Variants in ARNT2 observed in about 807,000 individuals in gnomAD.
ARNT2 encodes the protein aryl hydrocarbon receptor nuclear translocator 2, also known as ARNT protein 2.
Under a neutral mutation model 91.7 loss-of-function variants are expected in ARNT2, and 36 were observed. That is an observed-to-expected ratio of 0.39 (90% CI 0.30 to 0.52). The LOEUF (loss-of-function observed/expected upper bound fraction) is 0.52. Ranked by LOEUF, ARNT2 falls within the 20% of genes least tolerant of loss-of-function variation. ARNT2 has a pLI of 0.72. For missense variants in ARNT2, 775 were observed against 939.3 expected (o/e 0.83, Z 2.29); for synonymous variants, 365 against 347.1 (o/e 1.05, Z -0.57).
intron 3 of ARNT2, among the ~76,000 whole-genome samples, chr15:80,458,785 A>G (rs753467369): frequency 2.6e-5 from 4 of 152,094 alleles, no homozygotes; most frequent in Non-Finnish European, 5.9e-5. Flanking sequence ...TACCTAAGGA[A>G]GGGCCTGCCT....
intron 5 of ARNT2, among the ~76,000 whole-genome samples, chr15:80,483,909 A>G (rs1462272780): frequency 6.6e-6 from 1 of 152,230 alleles, no homozygotes; most frequent in African/African-American, 2.4e-5. Context: ...CATGTGGTTG[A>G]GTCCTTCAGT....
chr15:80,418,084 T>C (rs1895812296), intron 1 of ARNT2, among the ~76,000 whole-genome samples: 1 of 152,186 alleles, frequency 6.6e-6, no homozygotes, highest in South Asian at 2.1e-4. Context: ...ACCATCCTAG[T>C]AGTGTGGAAC....
chr15:80,455,975 C>G (rs1318306925), intron 2 of ARNT2, among the ~76,000 whole-genome samples: 1 of 152,100 alleles, frequency 6.6e-6, no homozygotes, highest in Non-Finnish European at 1.5e-5. Context: ...TCGCTCTTCC[C>G]CATGGTGAAC....
At position 80,507,759 on chromosome 15, in the gene ARNT2, G is replaced by A. The variant is rs563131380; in HGVS notation, c.623-397G>A. ...CAGATGCTTGAGAAGGGAGCAGTGC[G>A]CGGTCGCATAAAGCCCAGCAAAGCA... On this transcript the variant is annotated intron_variant, in intron 5 of 18. Coordinates refer to ENST00000303329, the MANE Select transcript of ARNT2 (RefSeq NM_014862.4). 2.5e-4 allele frequency among the ~76,000 whole-genome samples: 38 copies of A among 152,330 alleles called. 1 individual carries two copies. Among genetic ancestry groups the A allele is most frequent in the African/African-American group, 8.2e-4 (34 of 41,580 alleles).
intron 5 of ARNT2, among the ~76,000 whole-genome samples, chr15:80,501,043 T>C (rs1028045647): frequency 6.6e-6 from 1 of 152,224 alleles, no homozygotes; most frequent in African/African-American, 2.4e-5. Flanking sequence ...GTAAAGGTAT[T>C]GACAGCATAG....
At chr15:80,547,393 A>G (rs1050362460) in intron 8 of ARNT2, among the ~76,000 whole-genome samples, 1 of 152,234 alleles carries the variant, frequency 6.6e-6, no homozygotes, top group African/African-American at 2.4e-5. Flanking sequence ...CTGAAGAGGC[A>G]GTAAAAATTA....
chr15:80,578,412 G>GTTT (rs1401827628), intron 15 of ARNT2, among the ~76,000 whole-genome samples: 12 of 152,048 alleles, frequency 7.9e-5, no homozygotes, highest in Admixed American at 7.8e-4. Flanking sequence ...GGATGACCAC[G>GTTT]TTGTTCTATG....
chr15:80,553,501 T>C (rs377386059), intron 10 of ARNT2, among the ~76,000 whole-genome samples: 16 of 152,200 alleles, frequency 1.1e-4, no homozygotes, highest in African/African-American at 3.6e-4. Flanking sequence ...AGATACATGC[T>C]AAAATACTTT....
chr15:80,470,540 C>T (rs1858621241), intron 4 of ARNT2, 109 bp downstream of exon 4: 3 of 1,231,106 alleles, frequency 2.4e-6, no homozygotes, highest in Admixed American at 2.5e-5. Context: ...AGGAATGAAG[C>T]CAACATGTTT....
intron 1 of ARNT2, among the ~76,000 whole-genome samples, chr15:80,425,573 T>C (rs1360755387): frequency 6.6e-6 from 1 of 152,184 alleles, no homozygotes; most frequent in African/African-American, 2.4e-5. Flanking sequence ...TGTTTTGTTT[T>C]GTTTTTATTT....
chr15:80,513,904 A>G lies in ARNT2; in HGVS notation c.726-7A>G. On this transcript the variant is annotated splice_polypyrimidine_tract_variant and splice_region_variant and intron_variant, in intron 6 of 18. Coordinates refer to ENST00000303329, the MANE Select transcript of ARNT2 (RefSeq NM_014862.4). ...TTGCTCATTCTAATACACTTGTCAC[A>G]TCTTAGGTGTGGAAATGCTCCTTTG... The G allele has an allele frequency of 1.2e-6, 2 of 1,611,112 alleles. No individual in the cohort carries two copies. The highest frequency in any genetic ancestry group is 1.1e-5 in the South Asian group (1 of 90,992).
intron 3 of ARNT2, among the ~76,000 whole-genome samples, chr15:80,465,257 A>G (rs1389175337): frequency 6.6e-6 from 1 of 152,196 alleles, no homozygotes; most frequent in Non-Finnish European, 1.5e-5. Flanking sequence ...TTCTAGTGCA[A>G]TCTGGGGAAA....
intron 8 of ARNT2, among the ~76,000 whole-genome samples, chr15:80,520,013 T>G (rs1897511328): frequency 1.3e-5 from 2 of 151,398 alleles, no homozygotes; most frequent in Admixed American, 1.3e-4. Context: ...TTTTTTTTTT[T>G]TTAAATCTTT....
chr15:80,541,747 G>C (rs1897909600), intron 8 of ARNT2, among the ~76,000 whole-genome samples: 1 of 152,228 alleles, frequency 6.6e-6, no homozygotes. Context: ...TTGGAAGATA[G>C]AAAGACATCC....
At chr15:80,532,133 G>A (rs927538437) in intron 8 of ARNT2, among the ~76,000 whole-genome samples, 1 of 152,132 alleles carries the variant, frequency 6.6e-6, no homozygotes, top group African/African-American at 2.4e-5. Flanking sequence ...TATAGAATAG[G>A]ACCATGGTTA....
At chr15:80,508,097 C>G (rs1897298277) in intron 5 of ARNT2, 59 bp from the exon 6 acceptor site, 3 of 1,551,120 alleles carry the variant, frequency 1.9e-6, no homozygotes, top group Non-Finnish European at 1.8e-6. Context: ...CCCGAACTCC[C>G]TCCTCCATCT....
chr15:80,496,816 T>G (rs1380638592), intron 5 of ARNT2, among the ~76,000 whole-genome samples: 1 of 152,224 alleles, frequency 6.6e-6, no homozygotes, highest in African/African-American at 2.4e-5. Flanking sequence ...TCAAGGATTC[T>G]TTGGAAAACA....
rs549067692 is a variant in ARNT2 at position 80,529,974 on chromosome 15, G to A, written c.877+15569G>A. Among the ~76,000 whole-genome samples, 3 of 152,304 alleles carry A rather than the reference G, an allele frequency of 2.0e-5. No homozygotes were observed. The South Asian group carries it at 6.2e-4, about 32-fold the overall frequency. ...ATTATGTCCTCTTATGTCACACTGA[G>A]TAGTTGAATTTAGGCTTTTTCCTCT... is the stretch of plus-strand genomic sequence containing the variant. On this transcript the variant is annotated intron_variant, in intron 8 of 18. Coordinates refer to ENST00000303329, the MANE Select transcript of ARNT2 (RefSeq NM_014862.4).
At chr15:80,442,440 G>T (rs1355910513) in intron 1 of ARNT2, among the ~76,000 whole-genome samples, 2 of 152,214 alleles carry the variant, frequency 1.3e-5, no homozygotes, top group Non-Finnish European at 2.9e-5. Flanking sequence ...AGCTGAACTT[G>T]TCAGAGGCAG....
Sources: allele counts gnomAD v4.1 joint callset (sites outside exome capture counted in the v4.1 genomes callset), GRCh38; gene constraint gnomAD v4.1.1; transcripts MANE v1.5; gene names NCBI Gene and HGNC (gene_info 2026-07-23, HGNC 2026-07-21).